The following CHSY3 variants were observed in gnomAD, a reference collection of about 807,000 sequenced individuals.
CHSY3 encodes chondroitin sulfate synthase 3, also known as N-acetylgalactosaminyl-proteoglycan 3-beta-glucuronosyltransferase 3.
Under a neutral mutation model 67.2 loss-of-function variants are expected in CHSY3, and 35 were observed. That is an observed-to-expected ratio of 0.52 (90% CI 0.40 to 0.69). CHSY3 has a LOEUF of 0.69. CHSY3 is among the 30% of genes least tolerant of loss of function. CHSY3 has a pLI of 0.00. For synonymous variants in CHSY3, 474 were observed against 434.7 expected (o/e 1.09, Z -1.12); for missense variants, 1,069 against 1,138.5 (o/e 0.94, Z 0.88).
intron 2 of CHSY3, among the ~76,000 whole-genome samples, chr5:130,120,436 A>G (rs539050026): frequency 6.6e-6 from 1 of 151,646 alleles, no homozygotes; most frequent in Admixed American, 6.6e-5. Context: ...AGGGAAAACA[A>G]TCAATCTCTC....
intron 2 of CHSY3, among the ~76,000 whole-genome samples, chr5:129,912,380 A>G (rs1760594045): frequency 6.6e-6 from 1 of 152,034 alleles, no homozygotes; most frequent in Non-Finnish European, 1.5e-5. Context: ...TCTCCAGTCA[A>G]CTCATGAACA....
At chr5:130,036,303 A>T (rs1764861507) in intron 2 of CHSY3, among the ~76,000 whole-genome samples, 1 of 152,044 alleles carries the variant, frequency 6.6e-6, no homozygotes, top group Admixed American at 6.6e-5. Context: ...CAAGATTATG[A>T]TTTGCATGCA....
chr5:130,120,098 C>G (rs928806255), intron 2 of CHSY3, among the ~76,000 whole-genome samples: 43 of 152,056 alleles, frequency 2.8e-4, no homozygotes, highest in Non-Finnish European at 3.8e-4. Context: ...TTAAAGAACA[C>G]AAATATAAAA....
At chr5:129,910,592 T>A (rs1243090279) in intron 2 of CHSY3, among the ~76,000 whole-genome samples, 1 of 152,002 alleles carries the variant, frequency 6.6e-6, no homozygotes, top group Non-Finnish European at 1.5e-5. Context: ...TTAGCAAAAC[T>A]AGTAAAGATA....
chr5:130,130,514 T>C (rs9968612), intron 2 of CHSY3, among the ~76,000 whole-genome samples: 33,208 of 152,038 alleles, frequency 0.22, 4,922 homozygotes, highest in African/African-American at 0.41. Flanking sequence ...TGCAGGAGCC[T>C]TTCCTCCAGG....
chr5:130,160,721 C>G (rs79926765), intron 2 of CHSY3, among the ~76,000 whole-genome samples: 3 of 152,018 alleles, frequency 2.0e-5, no homozygotes, highest in African/African-American at 7.2e-5. Flanking sequence ...AGGTTTAGGA[C>G]AGTTCTAATT....
intron 2 of CHSY3, among the ~76,000 whole-genome samples, chr5:130,172,682 T>G (rs751542153): frequency 6.6e-6 from 1 of 152,194 alleles, no homozygotes; most frequent in Non-Finnish European, 1.5e-5. Context: ...TATATTAATG[T>G]GCTACGCAAT....
chr5:130,119,453 T>C (rs915922744), intron 2 of CHSY3, among the ~76,000 whole-genome samples: 2 of 152,172 alleles, frequency 1.3e-5, no homozygotes, highest in Non-Finnish European at 2.9e-5. Flanking sequence ...TCATTACGCG[T>C]GTATTTAGTG....
intron 2 of CHSY3, among the ~76,000 whole-genome samples, chr5:129,933,024 C>T (rs920600236): frequency 6.6e-6 from 1 of 152,128 alleles, no homozygotes; most frequent in African/African-American, 2.4e-5. Flanking sequence ...CAGATTGTGG[C>T]AGTTACATGA....
intron 2 of CHSY3, among the ~76,000 whole-genome samples, chr5:130,056,606 A>G (rs993260162): frequency 1.3e-5 from 2 of 152,208 alleles, no homozygotes; most frequent in African/African-American, 4.8e-5. Flanking sequence ...AGACACTACT[A>G]AGTCTGCAAA....
intron 2 of CHSY3, among the ~76,000 whole-genome samples, chr5:130,150,050 G>A (rs1003232497): frequency 9.2e-5 from 14 of 152,208 alleles, no homozygotes; most frequent in African/African-American, 3.4e-4. Flanking sequence ...TTTTAGATCA[G>A]GGGTGTATTT....
chr5:129,951,663 T>C (rs1762027442), intron 2 of CHSY3, among the ~76,000 whole-genome samples: 1 of 152,142 alleles, frequency 6.6e-6, no homozygotes, highest in African/African-American at 2.4e-5. Flanking sequence ...GATAGGGATC[T>C]CCACCCATTG....
chr5:130,147,343 C>T (rs767107311), intron 2 of CHSY3, among the ~76,000 whole-genome samples: 24 of 152,028 alleles, frequency 1.6e-4, no homozygotes, highest in Non-Finnish European at 1.5e-4. Flanking sequence ...TTTATTTATT[C>T]CAGGTAGACA....
At chr5:130,066,550 A>C (rs933523985) in intron 2 of CHSY3, among the ~76,000 whole-genome samples, 4 of 152,286 alleles carry the variant, frequency 2.6e-5, no homozygotes, top group African/African-American at 9.6e-5. Context: ...ATACTCCAAG[A>C]GGATTTGAGA....
chr5:130,062,330 C>T (rs112866852), intron 2 of CHSY3, among the ~76,000 whole-genome samples: 1,728 of 152,076 alleles, frequency 0.011, 26 homozygotes, highest in African/African-American at 0.038. Flanking sequence ...TTCACTTATA[C>T]ATGGGAGCTA....
intron 2 of CHSY3, among the ~76,000 whole-genome samples, chr5:130,006,240 G>A (rs999918177): frequency 6.6e-6 from 1 of 152,130 alleles, no homozygotes; most frequent in African/African-American, 2.4e-5. Flanking sequence ...TGTGGCGTTA[G>A]GAATTTGCCT....
intron 2 of CHSY3, among the ~76,000 whole-genome samples, chr5:130,163,449 A>C (rs1190203487): frequency 6.6e-6 from 1 of 152,120 alleles, no homozygotes; most frequent in Non-Finnish European, 1.5e-5. Context: ...GACCCATGGA[A>C]TTCACTCCCA....
At chr5:130,127,471 A>G (rs755871124) in intron 2 of CHSY3, among the ~76,000 whole-genome samples, 4 of 150,892 alleles carry the variant, frequency 2.7e-5, no homozygotes, top group Non-Finnish European at 4.4e-5. Flanking sequence ...ACTCTAAGCC[A>G]TGTTGTTTCT....
intron 2 of CHSY3, among the ~76,000 whole-genome samples, chr5:130,054,072 C>G (rs188259578): frequency 6.6e-6 from 1 of 152,234 alleles, no homozygotes; most frequent in Non-Finnish European, 1.5e-5. Context: ...AGCCTGTCGT[C>G]AAATATTGGA....
Sources: allele counts gnomAD v4.1 joint callset (sites outside exome capture counted in the v4.1 genomes callset), GRCh38; gene constraint gnomAD v4.1.1; transcripts MANE v1.5; gene names NCBI Gene and HGNC (gene_info 2026-07-23, HGNC 2026-07-21).